Variants in AIG1 observed in about 807,000 individuals in gnomAD.
AIG1 encodes the protein androgen-induced gene 1 protein.
A neutral mutation model predicts 31.4 loss-of-function variants in AIG1; 23 were observed. The observed-to-expected ratio is 0.73, with a 90% confidence interval of 0.53 to 1.04. The LOEUF (loss-of-function observed/expected upper bound fraction) is 1.04. AIG1 is among the 50% of genes least tolerant of loss of function. The pLI is 0.00. For missense variants in AIG1, 274 were observed against 295.0 expected, an observed-to-expected ratio of 0.93 and a Z score of 0.52; for synonymous variants, 100 against 110.5, an observed-to-expected ratio of 0.90 and a Z score of 0.60.
At chr6:143,257,880 A>T (rs922833804) in intron 3 of AIG1, among the ~76,000 whole-genome samples, 1 of 152,138 alleles carries the variant, frequency 6.6e-6, no homozygotes, top group Non-Finnish European at 1.5e-5. Context: ...GACAGTTCTA[A>T]AAGTATGCAC....
At chr6:143,149,811 A>G (rs2128544561) in intron 2 of AIG1, among the ~76,000 whole-genome samples, 1 of 152,310 alleles carries the variant, frequency 6.6e-6, no homozygotes, top group East Asian at 1.9e-4. Context: ...TTAAGCTACC[A>G]CATGTTTACC....
Position 143,334,981 on chromosome 6 carries a change from A to T in AIG1, c.679+1536A>T. On this transcript the variant is annotated intron_variant, in intron 5 of 5. Transcript: ENST00000357847. This position sits in a 1 kb window ranked among gnomAD's most constrained non-coding sequence, Gnocchi z 5.1. ...TAATGAAATTAAGGTTTTTTGAATG[A>T]TTTGTTTAATTTATGCCATTCTTTT... The T allele has an allele frequency of 1.1e-6, 1 of 899,398 alleles. No homozygotes were observed. The highest frequency in any genetic ancestry group is 1.6e-6 in the Non-Finnish European group (1 of 639,386). 55.7% of individuals were successfully genotyped at this position (899,398 alleles called of 1,614,324 possible).
chr6:143,123,310 T>C (rs1189939904), intron 1 of AIG1, among the ~76,000 whole-genome samples: 14 of 152,204 alleles, frequency 9.2e-5, no homozygotes, highest in Admixed American at 9.2e-4. Flanking sequence ...CAGACACTTA[T>C]AAAGTAGCAA....
intron 3 of AIG1, among the ~76,000 whole-genome samples, chr6:143,221,975 G>A (rs1486328662): frequency 2.0e-5 from 3 of 152,212 alleles, no homozygotes; most frequent in Non-Finnish European, 2.9e-5. Context: ...TGCAGGGCAA[G>A]AGATCTGGGG....
chr6:143,315,535 A>G, intron 4 of AIG1, among the ~76,000 whole-genome samples: 1 of 152,140 alleles, frequency 6.6e-6, no homozygotes, highest in East Asian at 1.9e-4. Context: ...TAGGCAACTG[A>G]TATTTGACAG....
intron 3 of AIG1, among the ~76,000 whole-genome samples, chr6:143,205,986 C>G (rs1241060123): frequency 6.6e-6 from 1 of 152,186 alleles, no homozygotes; most frequent in Non-Finnish European, 1.5e-5. Flanking sequence ...TAAAGATCAT[C>G]TATATATCTA....
chr6:143,267,155 T>C (rs916762255), intron 3 of AIG1, among the ~76,000 whole-genome samples: 2 of 152,074 alleles, frequency 1.3e-5, no homozygotes, highest in African/African-American at 4.8e-5. Context: ...TCATGGTGCT[T>C]CCCCCAGACT....
At chr6:143,183,775 TA>T (rs757859831) in intron 3 of AIG1, among the ~76,000 whole-genome samples, 8 of 152,322 alleles carry the variant, frequency 5.3e-5, no homozygotes, top group Non-Finnish European at 1.0e-4. Flanking sequence ...AAAGTAAACT[TA>T]ATTCATATGT....
At chr6:143,118,974 A>G (rs568405323) in intron 1 of AIG1, among the ~76,000 whole-genome samples, 4 of 151,966 alleles carry the variant, frequency 2.6e-5, no homozygotes, top group African/African-American at 7.2e-5. Context: ...CCTGGGCTCA[A>G]TTGATCCTCC....
chr6:143,341,659 G>A (rs993304185), downstream of AIG1, among the ~76,000 whole-genome samples: 2 of 152,310 alleles, frequency 1.3e-5, no homozygotes, highest in Admixed American at 6.5e-5. Flanking sequence ...CAAACCTGCT[G>A]ACACCTTGAT....
At chr6:143,130,318 C>T (rs1481972079) in intron 1 of AIG1, among the ~76,000 whole-genome samples, 2 of 152,188 alleles carry the variant, frequency 1.3e-5, no homozygotes, top group African/African-American at 4.8e-5. Flanking sequence ...TAAGGTCTCA[C>T]AAAGAAAAAT....
At chr6:143,088,738 A>G (rs925835729) in intron 1 of AIG1, among the ~76,000 whole-genome samples, 3 of 152,222 alleles carry the variant, frequency 2.0e-5, no homozygotes, top group Admixed American at 6.5e-5. Context: ...ATGCCTTTCA[A>G]TGCAATGAAC....
intron 3 of AIG1, chr6:143,188,671 A>G (rs1221049877): frequency 4.1e-6 from 4 of 984,224 alleles, no homozygotes; most frequent in Admixed American, 6.2e-5. Flanking sequence ...AAATAAATAA[A>G]TAGGACCATC....
intron 1 of AIG1, among the ~76,000 whole-genome samples, chr6:143,103,430 A>C (rs1328042646): frequency 6.6e-6 from 1 of 152,012 alleles, no homozygotes; most frequent in Non-Finnish European, 1.5e-5. Context: ...TGTATTTAGA[A>C]GTACAAAGTT....
intron 1 of AIG1, among the ~76,000 whole-genome samples, chr6:143,121,652 AG>A (rs1180652112): frequency 4.6e-5 from 7 of 152,204 alleles, no homozygotes; most frequent in Non-Finnish European, 1.0e-4. Context: ...AACTGGTAGA[AG>A]GGTCCAGTTG....
In AIG1 at chr6:143,273,693, G is replaced by A. The variant is rs565432970; in HGVS notation, c.400-10417G>A. On this transcript the variant is annotated intron_variant, in intron 3 of 5. Transcript: ENST00000357847. ...ATGTCTTACATGGTGGCAGGCAAGA[G>A]AGCATGAGAGCCAAGCAAAAGGGGA... Among the ~76,000 whole-genome samples, 73 of 152,298 alleles carry A rather than the reference G, an allele frequency of 4.8e-4. 1 individual carries two copies. The South Asian group carries it at 0.015, about 31-fold the overall frequency.
intron 3 of AIG1, among the ~76,000 whole-genome samples, chr6:143,227,901 C>T (rs967861259): frequency 1.3e-5 from 2 of 152,148 alleles, no homozygotes; most frequent in Admixed American, 1.3e-4. Context: ...CAGCAATTCC[C>T]CCAGAGCTTG....
intron 1 of AIG1, among the ~76,000 whole-genome samples, chr6:143,108,065 A>G (rs1040275768): frequency 2.0e-5 from 3 of 151,406 alleles, no homozygotes; most frequent in Non-Finnish European, 4.4e-5. Flanking sequence ...CTTTGATGCC[A>G]GATTGCATCT....
At chr6:143,238,511 T>C (rs1793981628) in intron 3 of AIG1, among the ~76,000 whole-genome samples, 1 of 152,238 alleles carries the variant, frequency 6.6e-6, no homozygotes, top group Admixed American at 6.5e-5. Flanking sequence ...ATGTTGAGCC[T>C]AAGCCAATCA....
Sources: gnomAD v4.1 joint callset for allele counts (sites outside exome capture counted in the v4.1 genomes callset) on GRCh38, gnomAD v4.1.1 for gene constraint, Gnocchi (gnomAD v3.1) non-coding constraint, MANE v1.5 for transcripts, NCBI Gene and HGNC (gene_info 2026-07-23, HGNC 2026-07-21) for gene names.